The following RBPJ variants were observed in gnomAD, a reference collection of about 807,000 sequenced individuals.
RBPJ encodes recombining binding protein suppressor of hairless.
A neutral mutation model predicts 67.8 loss-of-function variants in RBPJ; 9 were observed. That is an observed-to-expected ratio of 0.13 (90% confidence interval 0.08 to 0.23). RBPJ has a LOEUF of 0.23. Among genes scored for constraint, RBPJ ranks in the 10% least tolerant of loss-of-function variants. RBPJ has a pLI of 1.00. For missense variants in RBPJ, 305 were observed against 595.6 expected (o/e 0.51, Z 5.08); for synonymous variants, 198 against 203.3 (o/e 0.97, Z 0.22).
At chr4:26,305,766 C>CTTTTTTTTTT (rs1722212611) in intron 1 of RBPJ, among the ~76,000 whole-genome samples, 2 of 57,656 alleles carry the variant, frequency 3.5e-5, no homozygotes, top group African/African-American at 7.4e-5. Flanking sequence ...TTAGAATTTT[C>CTTTTTTTTTT]TTTTCTTTTT....
chr4:26,230,655 C>A (rs569438936), intron 1 of RBPJ, among the ~76,000 whole-genome samples: 1 of 152,182 alleles, frequency 6.6e-6, no homozygotes, highest in Admixed American at 6.5e-5. Context: ...ATATAGATTT[C>A]TTTGTTTCAT....
chr4:26,415,327 T>C, intron 3 of RBPJ, 148 bp from the exon 4 acceptor site: 1 of 647,474 alleles, frequency 1.5e-6, no homozygotes. Context: ...ATTATTTGCA[T>C]TACAAAAGGC....
the RBPJ span, among the ~76,000 whole-genome samples, chr4:26,135,737 A>G: frequency 6.6e-6 from 1 of 152,204 alleles, no homozygotes; most frequent in Non-Finnish European, 1.5e-5. Flanking sequence ...CTTGTTGACC[A>G]TCACGCGCTG....
At chr4:26,139,827 A>G in the RBPJ span, among the ~76,000 whole-genome samples, 1 of 152,154 alleles carries the variant, frequency 6.6e-6, no homozygotes, top group Non-Finnish European at 1.5e-5. Flanking sequence ...ATTTTCACTC[A>G]TGTTTCTGTA....
chr4:26,425,303 C>T (rs1008515768), intron 7 of RBPJ, among the ~76,000 whole-genome samples: 5 of 152,128 alleles, frequency 3.3e-5, no homozygotes, highest in Non-Finnish European at 7.4e-5. Flanking sequence ...CATTGAAACT[C>T]GGCCACGCAT....
intron 1 of RBPJ, among the ~76,000 whole-genome samples, chr4:26,360,146 T>A (rs1229574096): frequency 1.3e-5 from 2 of 152,208 alleles, no homozygotes; most frequent in African/African-American, 4.8e-5. Flanking sequence ...TAAATACAAT[T>A]CTCAAAATAT....
At chr4:26,160,472 T>A (rs2109105912), upstream of RBPJ, among the ~76,000 whole-genome samples, 1 of 152,358 alleles carries the variant, frequency 6.6e-6, no homozygotes, top group African/African-American at 2.4e-5. Context: ...ACTCTTTTTT[T>A]ATGCAATGTC....
chr4:26,137,324 C>T, the RBPJ span, among the ~76,000 whole-genome samples: 1 of 152,188 alleles, frequency 6.6e-6, no homozygotes, highest in Non-Finnish European at 1.5e-5. Context: ...CCCACCCTCT[C>T]ATTGTAGAGT....
chr4:26,110,483 T>A, the RBPJ span, among the ~76,000 whole-genome samples: 1 of 152,164 alleles, frequency 6.6e-6, no homozygotes, highest in South Asian at 2.1e-4. This position sits in a 1 kb window ranked among gnomAD's most constrained non-coding sequence, Gnocchi z 4.5. Flanking sequence ...CGCTTTGAAC[T>A]CTCCACTCAG....
At chr4:26,166,205 T>C (rs1259727103) in intron 1 of RBPJ, among the ~76,000 whole-genome samples, 4 of 144,954 alleles carry the variant, frequency 2.8e-5, no homozygotes, top group Non-Finnish European at 4.5e-5. Flanking sequence ...TATAGCAGCA[T>C]GATTTATAGT....
At chr4:26,358,910 A>T (rs931493729) in intron 1 of RBPJ, among the ~76,000 whole-genome samples, 1 of 152,194 alleles carries the variant, frequency 6.6e-6, no homozygotes, top group Non-Finnish European at 1.5e-5. Flanking sequence ...ACATGTATTA[A>T]GTCTTTTCCC....
At chr4:26,372,002 C>T (rs1729203958) in intron 1 of RBPJ, among the ~76,000 whole-genome samples, 1 of 152,138 alleles carries the variant, frequency 6.6e-6, no homozygotes, top group Admixed American at 6.5e-5. Flanking sequence ...GGCTTTCCGA[C>T]CTTCGTTTTT....
rs1043563870 is a variant in RBPJ, at chr4:26,430,304, AT to A, written c.1045-111del. ...TTTAGCTAGCTTTGTAATAAAAAACATTTTAATTGCCCTTTTTTAAAAAAAA... is the reference window on the plus strand; with the variant it reads ...TTTAGCTAGCTTTGTAATAAAAAACATTTAATTGCCCTTTTTTAAAAAAAA... On this transcript the variant is annotated intron_variant, in intron 9 of 10. Transcript: ENST00000355476. This position sits in a 1 kb window ranked among gnomAD's most constrained non-coding sequence, Gnocchi z 4.1. The A allele has an allele frequency of 1.4e-5, 13 of 946,664 alleles. No homozygotes were observed. Among genetic ancestry groups the A allele is most frequent in the Non-Finnish European group, 2.1e-5 (13 of 610,004 alleles). 58.6% of individuals were successfully genotyped at this position (946,664 alleles called of 1,614,324 possible). A position where few individuals can be genotyped will look rare whatever the true frequency, so the allele number is the denominator to read the frequency against.
intron 1 of RBPJ, among the ~76,000 whole-genome samples, chr4:26,255,539 AAG>A (rs1367209123): frequency 2.6e-5 from 4 of 151,100 alleles, no homozygotes; most frequent in African/African-American, 9.8e-5. Context: ...GTGGTGGCTC[AAG>A]CCTGTAATCC....
At chr4:26,173,296 C>T (rs778628651) in intron 1 of RBPJ, among the ~76,000 whole-genome samples, 6 of 152,058 alleles carry the variant, frequency 3.9e-5, no homozygotes, top group Non-Finnish European at 7.4e-5. Context: ...CCACCATGCC[C>T]GGCTAATTTT....
chr4:26,380,764 CT>C (rs1417123872), intron 1 of RBPJ, among the ~76,000 whole-genome samples: 11 of 151,764 alleles, frequency 7.2e-5, no homozygotes, highest in African/African-American at 2.7e-4. Flanking sequence ...ATTGTTGATG[CT>C]TTTTTAAAAC....
intron 1 of RBPJ, among the ~76,000 whole-genome samples, chr4:26,252,634 A>G (rs1252762941): frequency 6.6e-6 from 1 of 152,132 alleles, no homozygotes; most frequent in Non-Finnish European, 1.5e-5. Flanking sequence ...ACTGACTTAA[A>G]TCAATAATAA....
chr4:26,147,897 G>A, the RBPJ span, among the ~76,000 whole-genome samples: 1 of 152,190 alleles, frequency 6.6e-6, no homozygotes, highest in Non-Finnish European at 1.5e-5. Flanking sequence ...ATAGGACAGT[G>A]ATTCTCAAAG....
intron 1 of RBPJ, among the ~76,000 whole-genome samples, chr4:26,214,541 G>GAGGGAAGGAGGAAGGGAGGA (rs1162783964): frequency 8.5e-5 from 1 of 11,814 alleles, no homozygotes; most frequent in Non-Finnish European, 1.6e-4. Flanking sequence ...GGAAGGGAGG[G>GAGGGAAGGAGGAAGGGAGGA]AGGGAGGGAG....
Sources: gnomAD v4.1 joint callset for allele counts (sites outside exome capture counted in the v4.1 genomes callset) on GRCh38, gnomAD v4.1.1 for gene constraint, Gnocchi (gnomAD v3.1) non-coding constraint, MANE v1.5 for transcripts, NCBI Gene and HGNC (gene_info 2026-07-23, HGNC 2026-07-21) for gene names.